HOMER2: variants seen among roughly 807,000 people sequenced by gnomAD.
The protein encoded by HOMER2 is homer scaffold protein 2, also known as homer protein homolog 2.
A neutral mutation model predicts 47.0 loss-of-function variants in HOMER2; 27 were observed. The observed-to-expected ratio is 0.57, with a 90% CI of 0.42 to 0.79. The LOEUF (loss-of-function observed/expected upper bound fraction) is 0.79, where lower values mean the gene tolerates loss of function less well. HOMER2 is among the 30% of genes least tolerant of loss of function. HOMER2 has a pLI of 0.00. For missense variants in HOMER2, 443 were observed against 435.0 expected, an observed-to-expected ratio of 1.02 and a Z score of -0.16; for synonymous variants, 161 against 163.8, an observed-to-expected ratio of 0.98 and a Z score of 0.13.
chr15:82,957,352 C>A (rs2054595842), upstream of HOMER2, among the ~76,000 whole-genome samples: 1 of 151,524 alleles, frequency 6.6e-6, no homozygotes, highest in Non-Finnish European at 1.5e-5. Flanking sequence ...TATAGTACAT[C>A]TTCAATACAT....
chr15:82,898,008 A>G (rs963856886), intron 1 of HOMER2, among the ~76,000 whole-genome samples: 2 of 152,226 alleles, frequency 1.3e-5, no homozygotes, highest in Admixed American at 6.5e-5. Context: ...CCTTCACAGA[A>G]AGCTTACTAC....
At chr15:82,938,416 C>G (rs2054188555) in intron 1 of HOMER2, among the ~76,000 whole-genome samples, 1 of 152,136 alleles carries the variant, frequency 6.6e-6, no homozygotes, top group African/African-American at 2.4e-5. Context: ...TCCTATGCCC[C>G]TCTTCTGGCC....
chr15:82,905,434 A>C (rs932295351), intron 1 of HOMER2, among the ~76,000 whole-genome samples: 3 of 152,178 alleles, frequency 2.0e-5, no homozygotes, highest in African/African-American at 7.2e-5. Flanking sequence ...CCCCCAAATT[A>C]ATGTCAGACA....
At chr15:82,851,255 G>C in intron 7 of HOMER2, 24 bp from the exon 8 acceptor site, 2 of 1,435,708 alleles carry the variant, frequency 1.4e-6, no homozygotes, top group Non-Finnish European at 1.9e-6. Flanking sequence ...ATTTGAGATA[G>C]AACATGAAAG....
At chr15:82,926,429 T>C (rs1305005556) in intron 1 of HOMER2, 1 of 152,252 alleles carries the variant, frequency 6.6e-6, no homozygotes, top group Non-Finnish European at 1.5e-5. Context: ...GGCTTACACT[T>C]GTAATCCCAG....
In HOMER2 at chr15:82,892,823, G is replaced by T; in HGVS notation, c.24C>A (p.Thr8=). 1 of 1,596,394 alleles carries T rather than the reference G, an allele frequency of 6.3e-7. No homozygotes were observed. The highest frequency in any genetic ancestry group is 1.3e-5 in the African/African-American group (1 of 74,854). The part of the protein sequence containing the change: MGEQPIF[T]TRAHVFQIDP... ...CAATCTGGAAGACATGCGCTCGGGT[G>T]GTGAAGATGGGCTGTTCTCTGCAAT... Residue 8 remains threonine (T), a synonymous_variant, in exon 2 of 9, where the codon ACC becomes ACA. Transcript: ENST00000450735.
exon 2 of HOMER2, chr15:82,839,874 AAAAATC>A (rs571533623): frequency 1.3e-3 from 191 of 152,312 alleles, no homozygotes; most frequent in African/African-American, 4.4e-3. Context: ...TATTAAAACT[AAAAATC>A]AGGTCTCAAG....
At chr15:82,872,452 G>A (rs1445148639) in intron 3 of HOMER2, among the ~76,000 whole-genome samples, 1 of 152,010 alleles carries the variant, frequency 6.6e-6, no homozygotes, top group Non-Finnish European at 1.5e-5. Context: ...GTTCTACCCT[G>A]GACTAAAACA....
At chr15:82,874,045 A>G (rs1015725703) in intron 3 of HOMER2, among the ~76,000 whole-genome samples, 2 of 152,214 alleles carry the variant, frequency 1.3e-5, no homozygotes, top group Non-Finnish European at 2.9e-5. Flanking sequence ...AAGTAACCCA[A>G]GCAGTCAAGT....
At chr15:82,983,735 G>T (rs1050252277) in intron 1 of HOMER2, among the ~76,000 whole-genome samples, 5 of 151,672 alleles carry the variant, frequency 3.3e-5, no homozygotes, top group East Asian at 3.9e-4. Context: ...GATTACAGGC[G>T]CCCCTGACCA....
At chr15:82,860,969 G>C (rs12902419) in intron 4 of HOMER2, among the ~76,000 whole-genome samples, 2 of 147,420 alleles carry the variant, frequency 1.4e-5, no homozygotes, top group Non-Finnish European at 3.0e-5. Flanking sequence ...GAGAGAGAGA[G>C]AGAGAGAGAG....
chr15:82,973,326 G>A (rs1309443844), intron 1 of HOMER2, among the ~76,000 whole-genome samples: 2 of 152,120 alleles, frequency 1.3e-5, no homozygotes, highest in East Asian at 1.9e-4. Flanking sequence ...AAAAAGAACT[G>A]GCTTTAAATC....
At chr15:82,902,082 T>C (rs1405132094) in intron 1 of HOMER2, among the ~76,000 whole-genome samples, 1 of 152,184 alleles carries the variant, frequency 6.6e-6, no homozygotes, top group South Asian at 2.1e-4. Context: ...TTAACATTTA[T>C]ACTATAAAAA....
intron 1 of HOMER2, among the ~76,000 whole-genome samples, chr15:82,904,180 G>A (rs1408829113): frequency 2.6e-5 from 4 of 152,090 alleles, no homozygotes; most frequent in South Asian, 2.1e-4. Flanking sequence ...CCTCTTCTCC[G>A]CTCTGTCACA....
chr15:82,844,855 A>G (rs1264879946), downstream of HOMER2: 4 of 152,182 alleles, frequency 2.6e-5, no homozygotes, highest in African/African-American at 9.7e-5. Flanking sequence ...TTCCTATTAA[A>G]AGCAGTACAA....
chr15:82,916,639 A>C (rs1447010728), intron 1 of HOMER2, among the ~76,000 whole-genome samples: 1 of 152,104 alleles, frequency 6.6e-6, no homozygotes, highest in Non-Finnish European at 1.5e-5. Flanking sequence ...TGCTCCAAAC[A>C]CCAGGGTCGG....
chr15:82,881,617 GTATT>G (rs1181689929), intron 2 of HOMER2, among the ~76,000 whole-genome samples: 1 of 152,210 alleles, frequency 6.6e-6, no homozygotes, highest in Non-Finnish European at 1.5e-5. Context: ...AAGGTGCTCT[GTATT>G]TATTCAAAGG....
At chr15:82,859,344 A>G (rs1396938522) in intron 4 of HOMER2, among the ~76,000 whole-genome samples, 1 of 152,202 alleles carries the variant, frequency 6.6e-6, no homozygotes, top group Non-Finnish European at 1.5e-5. Flanking sequence ...AAAGAAAACA[A>G]AACCTAACAA....
At chr15:82,932,924 C>T (rs910300804) in intron 1 of HOMER2, among the ~76,000 whole-genome samples, 1 of 152,090 alleles carries the variant, frequency 6.6e-6, no homozygotes. Context: ...TCCCTCCCAC[C>T]GATCTGAACC....
Sources: gnomAD v4.1 joint callset for allele counts (sites outside exome capture counted in the v4.1 genomes callset) on GRCh38, gnomAD v4.1.1 for gene constraint, MANE v1.5 for transcripts, NCBI Gene and HGNC (gene_info 2026-07-23, HGNC 2026-07-21) for gene names.